The following PTPRD variants were observed in gnomAD, a reference collection of about 807,000 sequenced individuals.
The protein encoded by PTPRD is receptor-type tyrosine-protein phosphatase delta.
In PTPRD, 34 loss-of-function variants were observed where a neutral mutation model predicts 214.5. The observed-to-expected ratio is 0.16, with a 90% CI of 0.12 to 0.21. The LOEUF (loss-of-function observed/expected upper bound fraction) is 0.21, where lower values mean the gene tolerates loss of function less well. PTPRD is among the 10% of genes least tolerant of loss of function. PTPRD has a pLI of 1.00. For synonymous variants in PTPRD, 1,128 were observed against 845.7 expected (o/e 1.33, Z -5.79); for missense variants, 2,545 against 2,398.7 (o/e 1.06, Z -1.27).
chr9:9,244,402 G>A (rs996700515), intron 9 of PTPRD, among the ~76,000 whole-genome samples: 2 of 152,134 alleles, frequency 1.3e-5, no homozygotes, highest in African/African-American at 4.8e-5. Context: ...CAAGTCTACA[G>A]TAACCAAAAC....
intron 10 of PTPRD, among the ~76,000 whole-genome samples, chr9:9,139,012 T>C (rs1319020581): frequency 6.6e-6 from 1 of 152,122 alleles, no homozygotes; most frequent in Non-Finnish European, 1.5e-5. Flanking sequence ...CTTAAAAACA[T>C]ATAGACACTA....
intron 9 of PTPRD, among the ~76,000 whole-genome samples, chr9:9,283,312 C>T (rs142573539): frequency 6.6e-6 from 1 of 151,382 alleles, no homozygotes; most frequent in African/African-American, 2.4e-5. Flanking sequence ...GGTAGATAAC[C>T]CACATTCAGA....
intron 14 of PTPRD, among the ~76,000 whole-genome samples, chr9:8,586,793 T>C (rs906653505): frequency 1.3e-5 from 2 of 152,164 alleles, no homozygotes; most frequent in Non-Finnish European, 2.9e-5. Context: ...GATTTTAAAA[T>C]ATAAAGTGGT....
intron 14 of PTPRD, among the ~76,000 whole-genome samples, 189 bp downstream of exon 14, chr9:8,633,128 A>C (rs1330551144): frequency 6.6e-6 from 1 of 151,980 alleles, no homozygotes; most frequent in African/African-American, 2.4e-5. Flanking sequence ...ATTCCCCCTG[A>C]ACTCTAGTTC....
At chr9:9,605,637 G>C (rs942728272) in intron 7 of PTPRD, among the ~76,000 whole-genome samples, 1 of 151,960 alleles carries the variant, frequency 6.6e-6, no homozygotes, top group Non-Finnish European at 1.5e-5. Flanking sequence ...TGTGTTTTAG[G>C]TCATCAATAT....
At chr9:9,755,758 T>G (rs2098564202) in intron 6 of PTPRD, among the ~76,000 whole-genome samples, 1 of 152,080 alleles carries the variant, frequency 6.6e-6, no homozygotes, top group Non-Finnish European at 1.5e-5. Context: ...TAGGAATTAC[T>G]GCTCTCATTT....
intron 14 of PTPRD, among the ~76,000 whole-genome samples, chr9:8,538,415 T>C (rs186781667): frequency 6.6e-6 from 1 of 151,960 alleles, no homozygotes; most frequent in East Asian, 1.9e-4. Flanking sequence ...TTGTAAAAAG[T>C]TACAAACCAA....
intron 12 of PTPRD, among the ~76,000 whole-genome samples, chr9:8,708,344 T>C (rs1734574468): frequency 1.3e-5 from 2 of 151,966 alleles, no homozygotes; most frequent in Admixed American, 6.6e-5. Context: ...GTACAGCCAT[T>C]ATAGAAAACA....
chr9:8,696,338 T>C (rs994587484), intron 12 of PTPRD, among the ~76,000 whole-genome samples: 14 of 152,228 alleles, frequency 9.2e-5, no homozygotes, highest in African/African-American at 2.7e-4. Flanking sequence ...CATTAACTCA[T>C]TGATTTATTC....
chr9:10,498,226 G>C (rs1467407183), intron 2 of PTPRD, among the ~76,000 whole-genome samples: 3 of 151,904 alleles, frequency 2.0e-5, no homozygotes, highest in Non-Finnish European at 2.9e-5. Flanking sequence ...GCTTTTTAAA[G>C]AAAGGAGTCT....
In PTPRD at chr9:8,501,016, A is replaced by T. The variant is rs2136990787; in HGVS notation, c.1866T>A (p.Ser622Arg). 1 of 1,614,066 alleles carries T rather than the reference A, an allele frequency of 6.2e-7. No individual in the cohort carries two copies. The highest frequency in any genetic ancestry group is 2.2e-5 in the East Asian group (1 of 44,872). Reference sequence around the variant, plus strand: ...GCCAACTTACCAAAATACTAGTGGAACTTGGGCTGGTGCAACTAATGTCTT... The same window carrying T: ...GCCAACTTACCAAAATACTAGTGGATCTTGGGCTGGTGCAACTAATGTCTT... ...PPQDISCTSP[S>R]STSILVSWQP... is the part of the protein sequence containing the mutation. The change falls in exon 24 of 46, where the codon AGT becomes AGA. Residue 622 changes from serine to arginine, a missense_variant. Ser to Arg is a moderately radical substitution (Grantham distance 110). Transcript: ENST00000381196.
At chr9:8,327,349 T>A (rs1351746492) in intron 44 of PTPRD, among the ~76,000 whole-genome samples, 2 of 137,554 alleles carry the variant, frequency 1.5e-5, no homozygotes, top group Non-Finnish European at 2.9e-5. Flanking sequence ...TTGAGTGGTT[T>A]TTTTTTTTAA....
intron 3 of PTPRD, among the ~76,000 whole-genome samples, chr9:10,119,081 A>G (rs943516888): frequency 4.6e-5 from 7 of 151,952 alleles, no homozygotes; most frequent in Non-Finnish European, 1.0e-4. Context: ...GTTCCACTTA[A>G]GAAACACCTC....
chr9:10,608,093 C>T (rs956058547), intron 2 of PTPRD, among the ~76,000 whole-genome samples: 1 of 151,858 alleles, frequency 6.6e-6, no homozygotes, highest in Non-Finnish European at 1.5e-5. Flanking sequence ...TTCTATGGTT[C>T]TTTCTAGCTC....
intron 12 of PTPRD, among the ~76,000 whole-genome samples, chr9:8,668,068 T>C (rs1399089200): frequency 3.3e-5 from 5 of 152,202 alleles, no homozygotes; most frequent in African/African-American, 9.6e-5. Context: ...AAAGTGAAGA[T>C]ACCCAATGAC....
At chr9:10,329,422 G>A (rs1282989581) in intron 3 of PTPRD, among the ~76,000 whole-genome samples, 1 of 151,782 alleles carries the variant, frequency 6.6e-6, no homozygotes, top group African/African-American at 2.4e-5. Flanking sequence ...AATTTAAAAA[G>A]TTATTGTATG....
intron 14 of PTPRD, among the ~76,000 whole-genome samples, chr9:8,582,174 G>C (rs1450501965): frequency 2.0e-5 from 3 of 152,106 alleles, no homozygotes; most frequent in Admixed American, 2.0e-4. Flanking sequence ...CACATCAGGA[G>C]AGAAAGGTTG....
At chr9:9,881,256 C>A (rs1361027932) in intron 5 of PTPRD, among the ~76,000 whole-genome samples, 1 of 152,128 alleles carries the variant, frequency 6.6e-6, no homozygotes, top group African/African-American at 2.4e-5. Flanking sequence ...ATTCAATCAT[C>A]TTTTGGATAC....
chr9:8,676,713 A>G (rs1469673058), intron 12 of PTPRD, among the ~76,000 whole-genome samples: 1 of 152,154 alleles, frequency 6.6e-6, no homozygotes, highest in Admixed American at 6.5e-5. Flanking sequence ...AGCTGGGATT[A>G]CAGGCATGCG....
Sources: allele counts gnomAD v4.1 joint callset (sites outside exome capture counted in the v4.1 genomes callset), GRCh38; gene constraint gnomAD v4.1.1; transcripts MANE v1.5; gene names NCBI Gene and HGNC (gene_info 2026-07-23, HGNC 2026-07-21).